DPYSL3: variants seen among roughly 807,000 people sequenced by gnomAD.
DPYSL3 encodes the protein dihydropyrimidinase like 3.
In DPYSL3, 16 loss-of-function variants were observed where a neutral mutation model predicts 66.1. That is an observed-to-expected ratio of 0.24 (90% confidence interval 0.16 to 0.37). The LOEUF is 0.37. Among genes scored for constraint, DPYSL3 ranks in the 10% least tolerant of loss-of-function variants. DPYSL3 has a pLI of 1.00. For missense variants in DPYSL3, 738 were observed against 916.2 expected (o/e 0.81, Z 2.51); for synonymous variants, 338 against 345.1 (o/e 0.98, Z 0.23).
chr5:147,437,981 T>C (rs2126363677), intron 1 of DPYSL3, among the ~76,000 whole-genome samples: 1 of 152,294 alleles, frequency 6.6e-6, no homozygotes, highest in African/African-American at 2.4e-5. Context: ...AACTTGACTT[T>C]TCATTTCTTT....
intron 1 of DPYSL3, among the ~76,000 whole-genome samples, chr5:147,454,827 G>A (rs922834786): frequency 6.6e-6 from 1 of 152,196 alleles, no homozygotes; most frequent in Non-Finnish European, 1.5e-5. Context: ...AAATCAAACG[G>A]CCAAAGGGAG....
intron 1 of DPYSL3, among the ~76,000 whole-genome samples, chr5:147,437,238 A>G (rs886648762): frequency 6.6e-6 from 1 of 152,194 alleles, no homozygotes; most frequent in African/African-American, 2.4e-5. Flanking sequence ...AATGACAAAG[A>G]CGTCGAGTGA....
chr5:147,395,747 C>CA (rs1561769409), intron 12 of DPYSL3, 26 bp from the exon 13 acceptor site: 15 of 1,609,560 alleles, frequency 9.3e-6, no homozygotes, highest in Non-Finnish European at 1.3e-5. Flanking sequence ...AGCATGTCAC[C>CA]ATTCATTCAT....
At chr5:147,411,322 T>C (rs1751848540) in intron 6 of DPYSL3, among the ~76,000 whole-genome samples, 1 of 152,082 alleles carries the variant, frequency 6.6e-6, no homozygotes, top group Non-Finnish European at 1.5e-5. Flanking sequence ...CAAGACAACA[T>C]GGAGAGTCTG....
intron 1 of DPYSL3, chr5:147,453,435 G>C: frequency 2.9e-6 from 4 of 1,374,390 alleles, no homozygotes; most frequent in Non-Finnish European, 2.8e-6. Context: ...CCGGGTCTCC[G>C]TCCCTCCCCG....
chr5:147,450,877 G>A (rs1480394897), intron 1 of DPYSL3, among the ~76,000 whole-genome samples: 3 of 152,088 alleles, frequency 2.0e-5, no homozygotes, highest in Non-Finnish European at 4.4e-5. Context: ...AAGGAATAGA[G>A]GTGGCATAGA....
intron 1 of DPYSL3, among the ~76,000 whole-genome samples, chr5:147,443,923 G>C (rs114997226): frequency 0.021 from 3,158 of 152,206 alleles, 115 homozygotes; most frequent in African/African-American, 0.071. Context: ...AGGAGGGCTA[G>C]AGGGCTTCCT....
chr5:147,418,936 A>C (rs1438470400), intron 2 of DPYSL3, among the ~76,000 whole-genome samples: 2 of 152,172 alleles, frequency 1.3e-5, no homozygotes, highest in Non-Finnish European at 2.9e-5. Flanking sequence ...TTTTTCATAT[A>C]AATATTTTTA....
chr5:147,424,176 T>C (rs548268514), intron 2 of DPYSL3, among the ~76,000 whole-genome samples: 1 of 152,282 alleles, frequency 6.6e-6, no homozygotes, highest in African/African-American at 2.4e-5. Context: ...AACTAGTCAA[T>C]GAAGTTAAGT....
intron 1 of DPYSL3, among the ~76,000 whole-genome samples, chr5:147,432,536 G>A (rs988145069): frequency 2.0e-5 from 3 of 152,184 alleles, no homozygotes; most frequent in African/African-American, 7.2e-5. Context: ...CCCGATAATG[G>A]TCTGTTAATC....
chr5:147,457,148 TATC>T (rs927280821), intron 1 of DPYSL3, among the ~76,000 whole-genome samples: 13 of 152,190 alleles, frequency 8.5e-5, no homozygotes, highest in African/African-American at 2.4e-4. Flanking sequence ...AAGTCCCAAA[TATC>T]ATGGAGTTTA....
At chr5:147,409,800 T>C (rs1443375755) in intron 6 of DPYSL3, among the ~76,000 whole-genome samples, 2 of 152,090 alleles carry the variant, frequency 1.3e-5, no homozygotes, top group Non-Finnish European at 2.9e-5. Flanking sequence ...GTGAGACACA[T>C]AGGAAAAATG....
intron 1 of DPYSL3, among the ~76,000 whole-genome samples, chr5:147,477,970 A>T (rs906455617): frequency 6.6e-6 from 1 of 152,216 alleles, no homozygotes; most frequent in South Asian, 2.1e-4. Context: ...CCTTTCTTAG[A>T]GCTTGTCCAG....
intron 13 of DPYSL3, among the ~76,000 whole-genome samples, chr5:147,395,092 C>CA: frequency 6.6e-6 from 1 of 152,164 alleles, no homozygotes; most frequent in East Asian, 1.9e-4. Context: ...CTAGTGTTAG[C>CA]ATTATTATAA....
Position 147,509,989 on chromosome 5 carries a change from G to C in DPYSL3, c.-131C>G. On this transcript the variant is annotated 5_prime_UTR_variant, in exon 1 of 14. Coordinates refer to ENST00000343218, the MANE Select transcript of DPYSL3 (RefSeq NM_001197294.2). The surrounding 1 kb of genome is among the most constrained non-coding windows in gnomAD (Gnocchi z 5.3). Reference sequence around the variant, plus strand: ...CTGAGCCTTCGCGCCAGAGGCGGCAGTGCTGCTCCGATTCCTGCTTGTCCC... The same window carrying C: ...CTGAGCCTTCGCGCCAGAGGCGGCACTGCTGCTCCGATTCCTGCTTGTCCC... 7.4e-7 allele frequency: 1 copy of C among 1,357,452 alleles called. No individual in the cohort carries two copies. Among genetic ancestry groups the C allele is most frequent in the Non-Finnish European group, 9.7e-7 (1 of 1,032,396 alleles). 84.1% of individuals were successfully genotyped at this position (1,357,452 alleles called of 1,614,324 possible).
chr5:147,412,837 C>T (rs1338090559), intron 5 of DPYSL3, 149 bp from the exon 6 acceptor site: 3 of 685,398 alleles, frequency 4.4e-6, no homozygotes, highest in Non-Finnish European at 7.6e-6. Flanking sequence ...TAGGCATGAC[C>T]AAAGAGGAGT....
chr5:147,424,224 A>T (rs1752145511), intron 2 of DPYSL3, among the ~76,000 whole-genome samples: 1 of 152,226 alleles, frequency 6.6e-6, no homozygotes, highest in African/African-American at 2.4e-5. Context: ...AGACAGGGCT[A>T]ATAGAATGGG....
chr5:147,422,600 C>A (rs554762812), intron 2 of DPYSL3, among the ~76,000 whole-genome samples: 1 of 152,092 alleles, frequency 6.6e-6, no homozygotes, highest in Non-Finnish European at 1.5e-5. Context: ...TAGAACCAAC[C>A]CAAATGCCCA....
At chr5:147,410,064 C>A (rs1751817666) in intron 6 of DPYSL3, among the ~76,000 whole-genome samples, 1 of 152,142 alleles carries the variant, frequency 6.6e-6, no homozygotes, top group South Asian at 2.1e-4. Flanking sequence ...TTCATTCTTA[C>A]CATTCTCACT....
Sources: allele counts gnomAD v4.1 joint callset (sites outside exome capture counted in the v4.1 genomes callset), GRCh38; gene constraint gnomAD v4.1.1; non-coding constraint Gnocchi (gnomAD v3.1); transcripts MANE v1.5; gene names NCBI Gene and HGNC (gene_info 2026-07-23, HGNC 2026-07-21).